The following ANKRD45 variants were observed in gnomAD, a reference collection of about 807,000 sequenced individuals.
The protein encoded by ANKRD45 is ankyrin repeat domain-containing protein 45.
Under a neutral mutation model 28.1 loss-of-function variants are expected in ANKRD45, and 21 were observed. The ratio of observed to expected loss-of-function variants is 0.75; its 90% confidence interval spans 0.53 to 1.08. The LOEUF (loss-of-function observed/expected upper bound fraction) is 1.08. Among genes scored for constraint, ANKRD45 ranks in the 50% least tolerant of loss-of-function variants. The pLI is 0.00. For missense variants in ANKRD45, 261 were observed against 308.7 expected (o/e 0.85, Z 1.16); for synonymous variants, 86 against 103.9 (o/e 0.83, Z 1.05).
chr1:173,619,742 C>T (rs553201221), intron 5 of ANKRD45, among the ~76,000 whole-genome samples: 1 of 151,678 alleles, frequency 6.6e-6, no homozygotes, highest in African/African-American at 2.4e-5. Flanking sequence ...GCAGAAGAAT[C>T]GCTTGAACCC....
chr1:173,616,356 A>G (rs532321987), intron 5 of ANKRD45, among the ~76,000 whole-genome samples: 44 of 152,286 alleles, frequency 2.9e-4, no homozygotes, highest in Admixed American at 2.6e-3. Flanking sequence ...AAAAATGTTC[A>G]GAGAAGGCAA....
chr1:173,714,555 G>T, the ANKRD45 span, among the ~76,000 whole-genome samples: 1 of 152,128 alleles, frequency 6.6e-6, no homozygotes, highest in African/African-American at 2.4e-5. Flanking sequence ...GCACATAGTA[G>T]AGGCCTGACA....
chr1:173,658,931 T>C, intron 2 of ANKRD45, 160 bp downstream of exon 2: 2 of 1,063,662 alleles, frequency 1.9e-6, no homozygotes, highest in Non-Finnish European at 2.5e-6. Flanking sequence ...TCAACATTGA[T>C]ACATTTACAT....
intron 4 of ANKRD45, among the ~76,000 whole-genome samples, chr1:173,625,831 T>C (rs1331314762): frequency 6.6e-6 from 1 of 152,138 alleles, no homozygotes; most frequent in African/African-American, 2.4e-5. Flanking sequence ...AAAATTATTT[T>C]TGAAACCACA....
At chr1:173,677,407 G>T in the ANKRD45 span, among the ~76,000 whole-genome samples, 3 of 152,016 alleles carry the variant, frequency 2.0e-5, no homozygotes, top group African/African-American at 7.3e-5. Flanking sequence ...ATCTGACACA[G>T]GGGCTCATAT....
the ANKRD45 span, among the ~76,000 whole-genome samples, chr1:173,691,990 G>A: frequency 6.6e-6 from 1 of 152,154 alleles, no homozygotes; most frequent in African/African-American, 2.4e-5. Context: ...GATGGGGTGA[G>A]TGCTTTGGCA....
chr1:173,668,134 G>C (rs1444676413), intron 1 of ANKRD45, among the ~76,000 whole-genome samples: 1 of 152,194 alleles, frequency 6.6e-6, no homozygotes, highest in African/African-American at 2.4e-5. Flanking sequence ...ATAAAGGAAA[G>C]CTCTTCGGGA....
In ANKRD45 at chr1:173,627,139, T is replaced by C; in HGVS notation, c.517A>G (p.Lys173Glu). 6.2e-7 allele frequency: 1 copy of C among 1,612,180 alleles called. No homozygotes were observed. ...DWADARLTLKKYIAKVSLAVT... is the reference protein window; with the variant it reads ...DWADARLTLKEYIAKVSLAVT... ...GCTAAAGAGACTTTTGCAATATATT[T>C]TTTCAGAGTCAGCCTTGCATCTGAA... The change falls in exon 4 of 6, where the codon AAA (lysine) becomes GAA (glutamate). Residue 173 changes from lysine to glutamate, a missense_variant. Transcript: ENST00000333279.
the ANKRD45 span, among the ~76,000 whole-genome samples, chr1:173,700,986 A>AC: frequency 2.6e-5 from 4 of 152,190 alleles, no homozygotes; most frequent in Non-Finnish European, 5.9e-5. Context: ...GAAAAAAGCA[A>AC]CCCCATCAAA....
At chr1:173,688,352 C>CTT in the ANKRD45 span, among the ~76,000 whole-genome samples, 1,422 of 149,224 alleles carry the variant, frequency 9.5e-3, 40 homozygotes, top group African/African-American at 0.035. Flanking sequence ...CTCTCTGACT[C>CTT]CCTCTCTCTC....
the ANKRD45 span, among the ~76,000 whole-genome samples, chr1:173,690,025 T>A: frequency 7.1e-6 from 1 of 139,884 alleles, no homozygotes; most frequent in African/African-American, 2.6e-5. Flanking sequence ...AGCTCCTTTT[T>A]AAAATTTCAG....
intron 2 of ANKRD45, among the ~76,000 whole-genome samples, chr1:173,653,834 T>A (rs1015749531): frequency 4.6e-5 from 7 of 152,044 alleles, no homozygotes; most frequent in African/African-American, 1.2e-4. Context: ...GTTGAATTGA[T>A]CCCTTTACCA....
chr1:173,610,630 G>A lies in ANKRD45; in HGVS notation c.731-415C>T, dbSNP rs1029849462. Among the ~76,000 whole-genome samples the A allele has an allele frequency of 1.2e-4, 18 of 151,998 alleles. 1 individual carries two copies. The highest frequency in any genetic ancestry group is 4.2e-4 in the South Asian group (2 of 4,818). Reference sequence around the variant, plus strand: ...AGAGGCAAATCTTCACAGGTGAGAAGGGAAGGAGGGGGGATTGTTGGGCCA... The same window carrying A: ...AGAGGCAAATCTTCACAGGTGAGAAAGGAAGGAGGGGGGATTGTTGGGCCA... On this transcript the variant is annotated intron_variant, in intron 5 of 5. Transcript: ENST00000333279.
At chr1:173,650,337 T>G (rs967271739) in intron 2 of ANKRD45, among the ~76,000 whole-genome samples, 1 of 152,214 alleles carries the variant, frequency 6.6e-6, no homozygotes, top group Non-Finnish European at 1.5e-5. Context: ...TTCCCACATA[T>G]GAGTGAGAAC....
chr1:173,658,951 T>C, intron 2 of ANKRD45, 140 bp downstream of exon 2: 1 of 1,244,826 alleles, frequency 8.0e-7, no homozygotes, highest in Non-Finnish European at 1.1e-6. Context: ...TGTATACACA[T>C]ACATACACCC....
intron 5 of ANKRD45, among the ~76,000 whole-genome samples, chr1:173,619,898 G>A (rs1313588116): frequency 6.7e-6 from 1 of 150,332 alleles, no homozygotes; most frequent in Non-Finnish European, 1.5e-5. Context: ...TCAACAAGAA[G>A]AGCTAACTAT....
intron 5 of ANKRD45, among the ~76,000 whole-genome samples, chr1:173,619,601 G>A (rs1667614758): frequency 6.6e-6 from 1 of 152,128 alleles, no homozygotes; most frequent in Non-Finnish European, 1.5e-5. Flanking sequence ...GCCAACATGG[G>A]TGGATCACCT....
the ANKRD45 span, among the ~76,000 whole-genome samples, chr1:173,696,243 G>A: frequency 6.6e-6 from 1 of 152,182 alleles, no homozygotes; most frequent in African/African-American, 2.4e-5. Context: ...TAGGGAAACA[G>A]AAAAGAACCG....
At chr1:173,674,357 T>A (rs894154745), upstream of ANKRD45, among the ~76,000 whole-genome samples, 4 of 151,994 alleles carry the variant, frequency 2.6e-5, no homozygotes, top group African/African-American at 9.7e-5. Context: ...TTGGCTTTTT[T>A]TTTTTCCACA....
Sources: gnomAD v4.1 joint callset for allele counts (sites outside exome capture counted in the v4.1 genomes callset) on GRCh38, gnomAD v4.1.1 for gene constraint, MANE v1.5 for transcripts, NCBI Gene and HGNC (gene_info 2026-07-23, HGNC 2026-07-21) for gene names.